NRK: variants seen among roughly 807,000 people sequenced by gnomAD.
The protein encoded by NRK is nik-related protein kinase.
NRK carries 67 observed loss-of-function variants against 125.2 expected under a neutral mutation model. That is an observed-to-expected ratio of 0.54 (90% CI 0.44 to 0.66). The LOEUF is 0.66. Among genes scored for constraint, NRK ranks in the 30% least tolerant of loss-of-function variants. The probability of loss-of-function intolerance (pLI) is 0.00; values close to 1 mark genes in which losing one functional copy is unlikely to be tolerated. For synonymous variants in NRK, 458 were observed against 429.0 expected, an observed-to-expected ratio of 1.07 and a Z score of -0.84; for missense variants, 1,224 against 1,192.9, an observed-to-expected ratio of 1.03 and a Z score of -0.38.
Position 105,953,148 on chromosome X carries a change from G to A in NRK, c.4628G>A (p.Arg1543Lys). 8.4e-7 allele frequency: 1 copy of A among 1,193,006 alleles called. No homozygotes were observed. The highest frequency in any genetic ancestry group is 1.1e-6 in the Non-Finnish European group (1 of 883,624). ...ELKRRSIKKL[R>K]FLCTRGDKLF... ...AAGCGCAGGTCAATTAAGAAGCTGAGATTCCTGTGCACCCGGGGTGACAAG... is the reference window on the plus strand; with the variant it reads ...AAGCGCAGGTCAATTAAGAAGCTGAAATTCCTGTGCACCCGGGGTGACAAG... Residue 1543 changes from arginine to lysine, a missense_variant, in exon 28 of 29, where the codon AGA becomes AAA. Coordinates refer to ENST00000243300, the MANE Select transcript of NRK (RefSeq NM_198465.4).
At chrX:105,932,443 G>A (rs929777888) in intron 19 of NRK, among the ~76,000 whole-genome samples, 29 of 112,229 alleles carry the variant, frequency 2.6e-4, no homozygotes, top group African/African-American at 9.4e-4. Context: ...ACTGTGTTTA[G>A]ACAATGATTT....
At chrX:105,910,072 A>C (rs1236240276) in intron 13 of NRK, among the ~76,000 whole-genome samples, 190 bp downstream of exon 13, 1 of 112,057 alleles carries the variant, frequency 8.9e-6, no homozygotes, top group Non-Finnish European at 1.9e-5. Context: ...AAATATGATA[A>C]AAATATTTTT....
At chrX:105,948,898 T>G (rs1432848887) in intron 26 of NRK, 1 of 310,730 alleles carries the variant, frequency 3.2e-6, no homozygotes, top group Non-Finnish European at 5.5e-6. Context: ...TTGCATTGTT[T>G]TATGCATCAT....
In NRK at chrX:105,825,968, A is replaced by G. The variant is rs192598775; in HGVS notation, c.57+3066A>G. ...GTCTTTATATATATCTTTGTAATATATGTGTGTATGTATATTCACCTTGCC... is the reference window on the plus strand; with the variant it reads ...GTCTTTATATATATCTTTGTAATATGTGTGTGTATGTATATTCACCTTGCC... On this transcript the variant is annotated intron_variant, in intron 1 of 28. Transcript: ENST00000243300. 4.1e-3 allele frequency among the ~76,000 whole-genome samples: 435 copies of G among 105,658 alleles called. 11 individuals carry two copies. In the Admixed American group the frequency reaches 0.042, roughly 10 times the overall value. 91.8% of individuals were successfully genotyped at this position (105,658 alleles called of 115,157 possible).
chrX:105,853,503 A>G (rs1013113919), intron 2 of NRK, among the ~76,000 whole-genome samples: 15 of 111,966 alleles, frequency 1.3e-4, no homozygotes, highest in Non-Finnish European at 1.7e-4. Flanking sequence ...CCCACCAACC[A>G]TGTGTGCACA....
At chrX:105,888,874 T>C (rs1234536611) in intron 5 of NRK, among the ~76,000 whole-genome samples, 1 of 111,398 alleles carries the variant, frequency 9.0e-6, no homozygotes, top group Non-Finnish European at 1.9e-5. Context: ...GTGGGAATTA[T>C]GGGAGCTACA....
At chrX:105,868,296 A>G (rs1361591800) in intron 2 of NRK, among the ~76,000 whole-genome samples, 1 of 110,503 alleles carries the variant, frequency 9.0e-6, no homozygotes, top group Non-Finnish European at 1.9e-5. Flanking sequence ...AGGAAAGAAA[A>G]AAGTCAAAGT....
At chrX:105,822,368 A>G (rs2039031949), upstream of NRK, among the ~76,000 whole-genome samples, 1 of 111,799 alleles carries the variant, frequency 8.9e-6, no homozygotes, top group Non-Finnish European at 1.9e-5. Flanking sequence ...GCAAACCGTT[A>G]TAGTCCTTCA....
chrX:105,921,202 A>G (rs1222919255), intron 16 of NRK, among the ~76,000 whole-genome samples: 1 of 107,925 alleles, frequency 9.3e-6, no homozygotes, highest in Non-Finnish European at 1.9e-5. Flanking sequence ...GAAATTGGAA[A>G]TCATCATTCT....
chrX:105,900,810 T>C (rs1285188312), intron 9 of NRK, 138 bp downstream of exon 9: 8 of 401,936 alleles, frequency 2.0e-5, no homozygotes, highest in Non-Finnish European at 3.0e-5. Flanking sequence ...TGTCATACTA[T>C]GTGCCAAACT....
At chrX:105,939,754 T>A (rs190749359) in intron 22 of NRK, 120 bp from the exon 23 acceptor site, 10 of 427,660 alleles carry the variant, frequency 2.3e-5, no homozygotes, top group Non-Finnish European at 3.9e-5. Context: ...CAGTTTTTTT[T>A]AAGGTGCTTT....
chrX:105,823,202 T>A (rs1208382463), intron 1 of NRK, among the ~76,000 whole-genome samples: 1 of 112,216 alleles, frequency 8.9e-6, no homozygotes, highest in Non-Finnish European at 1.9e-5. Flanking sequence ...TGACCCGCCT[T>A]GTCTAGCGGA....
chrX:105,892,157 T>C (rs963688679), intron 5 of NRK, among the ~76,000 whole-genome samples: 12 of 111,768 alleles, frequency 1.1e-4, no homozygotes, highest in Non-Finnish European at 1.9e-4. Flanking sequence ...GTGCTTACAA[T>C]CTATTTGCAA....
chrX:105,824,418 A>G (rs2039064213), intron 1 of NRK, among the ~76,000 whole-genome samples: 1 of 110,543 alleles, frequency 9.0e-6, no homozygotes, highest in South Asian at 3.9e-4. Flanking sequence ...CCTTCCTCCA[A>G]CATTCTCTGC....
intron 9 of NRK, among the ~76,000 whole-genome samples, chrX:105,902,401 G>T (rs2040170273): frequency 9.0e-6 from 1 of 111,633 alleles, no homozygotes; most frequent in Non-Finnish European, 1.9e-5. Context: ...TATTAATTTT[G>T]TATGGAAATA....
intron 2 of NRK, among the ~76,000 whole-genome samples, chrX:105,832,010 A>T (rs1320313624): frequency 9.0e-6 from 1 of 111,658 alleles, no homozygotes; most frequent in African/African-American, 3.3e-5. Context: ...GCAAAAAAAA[A>T]TTACTGTGCC....
intron 2 of NRK, among the ~76,000 whole-genome samples, chrX:105,874,756 A>G (rs1176778334): frequency 1.8e-5 from 2 of 111,571 alleles, no homozygotes; most frequent in Non-Finnish European, 3.8e-5. Flanking sequence ...TAGAGTCATG[A>G]AGAACAACAG....
In NRK at chrX:105,935,174, C is replaced by A; in HGVS notation, c.3504C>A (p.Tyr1168Ter). The change falls in exon 21 of 29, where the codon TAC becomes TAA. Residue 1168 changes from tyrosine to a stop codon, truncating the protein, a stop_gained. Coordinates refer to ENST00000243300, the MANE Select transcript of NRK (RefSeq NM_198465.4). LOFTEE classifies it high-confidence loss of function. ...CTTCCCCTTACATCTTTGCAGTATA[C>A]GCTGGATTCGTAGAAGTACCTGAGG... ...ADANFASAIL[Y>*]AGFVEVPEES... The A allele has an allele frequency of 8.4e-7, 1 of 1,186,101 alleles. No individual in the cohort carries two copies. The highest frequency in any genetic ancestry group is 1.1e-6 in the Non-Finnish European group (1 of 873,089).
intron 16 of NRK, among the ~76,000 whole-genome samples, chrX:105,918,242 TGA>T (rs1228791215): frequency 9.0e-6 from 1 of 111,507 alleles, no homozygotes; most frequent in African/African-American, 3.2e-5. Context: ...GATGTGCTTT[TGA>T]GAGAGTTTAA....
Sources: allele counts gnomAD v4.1 joint callset (sites outside exome capture counted in the v4.1 genomes callset), GRCh38; gene constraint gnomAD v4.1.1; transcripts MANE v1.5; gene names NCBI Gene and HGNC (gene_info 2026-07-23, HGNC 2026-07-21).